The following CEP63 variants were observed in gnomAD, a reference collection of about 807,000 sequenced individuals.
CEP63 encodes the protein centrosomal protein 63, also known as centrosomal protein of 63 kDa.
In CEP63, 84 loss-of-function variants were observed where a neutral mutation model predicts 89.1. The ratio of observed to expected loss-of-function variants is 0.94; its 90% CI spans 0.79 to 1.13. The LOEUF is 1.13. Among genes scored for constraint, CEP63 ranks in the 50% most tolerant of loss-of-function variants. The pLI is 0.00. For missense variants in CEP63, 838 were observed against 813.3 expected (o/e 1.03, Z -0.37); for synonymous variants, 267 against 272.5 (o/e 0.98, Z 0.20).
intron 3 of CEP63, among the ~76,000 whole-genome samples, chr3:134,521,090 A>C (rs1160564791): frequency 1.3e-5 from 2 of 152,178 alleles, no homozygotes; most frequent in African/African-American, 4.8e-5. Context: ...TAATAAGTTA[A>C]CTGAGTAGAA....
At chr3:134,727,769 A>C in the CEP63 span, among the ~76,000 whole-genome samples, 1 of 152,250 alleles carries the variant, frequency 6.6e-6, no homozygotes, top group Non-Finnish European at 1.5e-5. Context: ...GTCTATATGC[A>C]TGTGTTAGGG....
chr3:134,596,361 C>T, the CEP63 span, among the ~76,000 whole-genome samples: 1 of 152,112 alleles, frequency 6.6e-6, no homozygotes, highest in Non-Finnish European at 1.5e-5. Context: ...AGTATGTGTC[C>T]TCTTTTAGAT....
At chr3:134,628,883 A>C in the CEP63 span, among the ~76,000 whole-genome samples, 1 of 152,300 alleles carries the variant, frequency 6.6e-6, no homozygotes, top group East Asian at 1.9e-4. Context: ...TACTTTCTTG[A>C]GATCCTGACT....
At chr3:134,598,675 C>A in the CEP63 span, among the ~76,000 whole-genome samples, 3 of 152,198 alleles carry the variant, frequency 2.0e-5, no homozygotes, top group East Asian at 5.8e-4. Context: ...TGAGACACAT[C>A]CAGAAGGGAC....
At chr3:134,536,774 C>T (rs1021037093) in intron 5 of CEP63, 7 of 300,792 alleles carry the variant, frequency 2.3e-5, no homozygotes, top group Admixed American at 2.3e-4. Context: ...ATTTGGATAG[C>T]GAGGGATATC....
At chr3:134,514,907 T>C (rs147668499) in intron 3 of CEP63, among the ~76,000 whole-genome samples, 79 of 152,292 alleles carry the variant, frequency 5.2e-4, no homozygotes, top group African/African-American at 1.9e-3. Context: ...CAATAATAGA[T>C]GGAGTTTTGC....
At chr3:134,605,002 C>T in the CEP63 span, among the ~76,000 whole-genome samples, 6 of 152,162 alleles carry the variant, frequency 3.9e-5, no homozygotes, top group East Asian at 1.9e-4. Context: ...GGGCAGTTCC[C>T]TGATCCCCAC....
At chr3:134,519,334 A>T (rs1273653238) in intron 3 of CEP63, among the ~76,000 whole-genome samples, 1 of 150,498 alleles carries the variant, frequency 6.6e-6, no homozygotes, top group Non-Finnish European at 1.5e-5. Flanking sequence ...GGGTTTCACC[A>T]TGTTGGTCAG....
chr3:134,496,461 G>A (rs1419804089), intron 2 of CEP63, among the ~76,000 whole-genome samples: 1 of 149,680 alleles, frequency 6.7e-6, no homozygotes, highest in Non-Finnish European at 1.5e-5. Flanking sequence ...CTAGTCCAAA[G>A]AGAACAACTG....
At chr3:134,631,049 T>C in the CEP63 span, among the ~76,000 whole-genome samples, 3 of 152,202 alleles carry the variant, frequency 2.0e-5, no homozygotes, top group Non-Finnish European at 4.4e-5. Flanking sequence ...TCGTCCAGTT[T>C]GAACAATAGA....
chr3:134,767,011 G>A, the CEP63 span, among the ~76,000 whole-genome samples: 2 of 152,120 alleles, frequency 1.3e-5, no homozygotes, highest in Admixed American at 1.3e-4. Context: ...AGGCTACATA[G>A]CCACTTGGAT....
At chr3:134,620,435 C>T in the CEP63 span, among the ~76,000 whole-genome samples, 1 of 152,336 alleles carries the variant, frequency 6.6e-6, no homozygotes, top group East Asian at 1.9e-4. Flanking sequence ...GGGCTCTCAT[C>T]TCTGTGGAGA....
the CEP63 span, among the ~76,000 whole-genome samples, chr3:134,674,510 T>TC: frequency 1.3e-5 from 2 of 152,150 alleles, no homozygotes; most frequent in African/African-American, 4.8e-5. Context: ...CTGAAAGCCT[T>TC]CCCCCTAACA....
chr3:134,736,910 A>C, the CEP63 span, among the ~76,000 whole-genome samples: 3 of 152,262 alleles, frequency 2.0e-5, no homozygotes, highest in East Asian at 5.8e-4. Flanking sequence ...CATAACAATA[A>C]TTTTTAAAAA....
At chr3:134,764,426 T>A in the CEP63 span, among the ~76,000 whole-genome samples, 1 of 152,158 alleles carries the variant, frequency 6.6e-6, no homozygotes, top group Non-Finnish European at 1.5e-5. Flanking sequence ...TAAAAATAAT[T>A]CTGACCCTTG....
At chr3:134,763,163 T>C in the CEP63 span, among the ~76,000 whole-genome samples, 5 of 152,086 alleles carry the variant, frequency 3.3e-5, no homozygotes, top group African/African-American at 4.8e-5. Context: ...ATGTGCTCTG[T>C]TGGTGTGCTG....
chr3:134,530,426 C>T (rs1949645473), intron 3 of CEP63, among the ~76,000 whole-genome samples: 1 of 151,978 alleles, frequency 6.6e-6, no homozygotes, highest in Non-Finnish European at 1.5e-5. Context: ...CATTCTTGTC[C>T]TTGAGTTATT....
At chr3:134,744,337 A>C in the CEP63 span, among the ~76,000 whole-genome samples, 1 of 152,318 alleles carries the variant, frequency 6.6e-6, no homozygotes, top group South Asian at 2.1e-4. Context: ...AACACAGCCC[A>C]ATATAGCCCC....
the CEP63 span, among the ~76,000 whole-genome samples, chr3:134,602,197 G>A: frequency 1.3e-5 from 2 of 152,148 alleles, no homozygotes; most frequent in Non-Finnish European, 2.9e-5. Flanking sequence ...CAGGGAGCAT[G>A]TCTGTGTGCC....
Sources: gnomAD v4.1 joint callset for allele counts (sites outside exome capture counted in the v4.1 genomes callset) on GRCh38, gnomAD v4.1.1 for gene constraint, MANE v1.5 for transcripts, NCBI Gene and HGNC (gene_info 2026-07-23, HGNC 2026-07-21) for gene names.